CLASP1: variants seen among roughly 807,000 people sequenced by gnomAD.
The protein encoded by CLASP1 is CLIP-associating protein 1.
Under a neutral mutation model 192.3 loss-of-function variants are expected in CLASP1, and 38 were observed. The ratio of observed to expected loss-of-function variants is 0.20; its 90% CI spans 0.15 to 0.26. The LOEUF (loss-of-function observed/expected upper bound fraction) is 0.26, where lower values mean the gene tolerates loss of function less well. CLASP1 is among the 10% of genes least tolerant of loss of function. The probability of loss-of-function intolerance (pLI) is 1.00; values close to 1 mark genes in which losing one functional copy is unlikely to be tolerated. For synonymous variants in CLASP1, 691 were observed against 712.8 expected, an observed-to-expected ratio of 0.97 and a Z score of 0.49; for missense variants, 1,433 against 1,932.5, an observed-to-expected ratio of 0.74 and a Z score of 4.85.
chr2:121,578,134 T>C (rs1242255148), intron 2 of CLASP1, among the ~76,000 whole-genome samples: 1 of 152,030 alleles, frequency 6.6e-6, no homozygotes, highest in Non-Finnish European at 1.5e-5. Flanking sequence ...GGTTTCACCA[T>C]GTTGCTCGGG....
intron 35 of CLASP1, among the ~76,000 whole-genome samples, chr2:121,365,783 C>T (rs541765252): frequency 2.5e-4 from 38 of 152,288 alleles, no homozygotes; most frequent in African/African-American, 8.7e-4. Context: ...ATGTCTACAG[C>T]TTAGGAACCA....
At chr2:121,469,131 T>C (rs1051433867) in intron 9 of CLASP1, among the ~76,000 whole-genome samples, 2 of 152,172 alleles carry the variant, frequency 1.3e-5, no homozygotes, top group Non-Finnish European at 1.5e-5. Context: ...CTTTGAGGTG[T>C]TGAGCTCTGC....
At chr2:121,584,632 T>A (rs1576236864) in intron 2 of CLASP1, among the ~76,000 whole-genome samples, 1 of 151,254 alleles carries the variant, frequency 6.6e-6, no homozygotes, top group Non-Finnish European at 1.5e-5. Context: ...CCACAATTCT[T>A]TTTTTTTTCT....
intron 8 of CLASP1, among the ~76,000 whole-genome samples, chr2:121,485,553 C>T (rs1029776791): frequency 6.6e-6 from 1 of 151,980 alleles, no homozygotes; most frequent in Admixed American, 6.6e-5. Context: ...TGTGTTTTTC[C>T]TTCAAATTTT....
chr2:121,437,580 G>A (rs1263181995), intron 19 of CLASP1, among the ~76,000 whole-genome samples: 3 of 152,162 alleles, frequency 2.0e-5, no homozygotes, highest in African/African-American at 7.2e-5. Flanking sequence ...CGTAAACTCT[G>A]ACCAGAATCC....
At chr2:121,421,385 T>C (rs1218787774) in intron 22 of CLASP1, among the ~76,000 whole-genome samples, 1 of 151,654 alleles carries the variant, frequency 6.6e-6, no homozygotes, top group Non-Finnish European at 1.5e-5. Flanking sequence ...GTAGCTGGGA[T>C]TACAGGTGCA....
intron 23 of CLASP1, among the ~76,000 whole-genome samples, chr2:121,412,989 C>T (rs1162787300): frequency 6.6e-6 from 1 of 152,118 alleles, no homozygotes; most frequent in Non-Finnish European, 1.5e-5. Flanking sequence ...CTGGGCACGG[C>T]GGCTTTGCCT....
intron 14 of CLASP1, among the ~76,000 whole-genome samples, chr2:121,452,201 A>AGAG (rs1229631801): frequency 6.6e-6 from 1 of 152,236 alleles, no homozygotes; most frequent in Non-Finnish European, 1.5e-5. Flanking sequence ...CATGCACAGA[A>AGAG]GATCAACAAA....
chr2:121,559,940 C>T (rs1471254140), intron 2 of CLASP1, among the ~76,000 whole-genome samples: 1 of 151,962 alleles, frequency 6.6e-6, no homozygotes, highest in Non-Finnish European at 1.5e-5. Context: ...GTATCCTGGA[C>T]TGGATCCAAG....
intron 28 of CLASP1, among the ~76,000 whole-genome samples, chr2:121,399,005 C>G (rs1265339313): frequency 6.6e-6 from 1 of 152,182 alleles, no homozygotes; most frequent in Non-Finnish European, 1.5e-5. Context: ...GCTGTAATTA[C>G]TAGTATTAGT....
At chr2:121,351,024 C>G (rs2064272270) in intron 37 of CLASP1, among the ~76,000 whole-genome samples, 1 of 152,154 alleles carries the variant, frequency 6.6e-6, no homozygotes, top group Non-Finnish European at 1.5e-5. Context: ...AAACTGGCAG[C>G]CCAGCCCTGG....
At chr2:121,389,406 T>C (rs2073942905) in intron 30 of CLASP1, among the ~76,000 whole-genome samples, 1 of 152,026 alleles carries the variant, frequency 6.6e-6, no homozygotes, top group Non-Finnish European at 1.5e-5. Flanking sequence ...TTGATATGCA[T>C]ATTTGCATAA....
At chr2:121,363,380 GC>G in intron 36 of CLASP1, 80 bp from the exon 38 acceptor site, 1 of 1,560,764 alleles carries the variant, frequency 6.4e-7, no homozygotes, top group Non-Finnish European at 8.7e-7. Flanking sequence ...GGTCGGCAAG[GC>G]CAAGCACCCA....
At chr2:121,469,809 T>C in exon 9 of CLASP1, 1 of 1,611,224 alleles carries the variant, frequency 6.2e-7, no homozygotes, top group Non-Finnish European at 8.5e-7. Context: ...TAGACTAACC[T>C]GAAGACTTGG....
At chr2:121,525,779 A>C in intron 6 of CLASP1, 66 bp downstream of exon 6, 2 of 1,111,236 alleles carry the variant, frequency 1.8e-6, no homozygotes, top group Non-Finnish European at 2.7e-6. Context: ...CCACTACGGA[A>C]CACCAGAATG....
intron 19 of CLASP1, among the ~76,000 whole-genome samples, chr2:121,436,046 T>C (rs2082248909): frequency 2.0e-5 from 3 of 151,588 alleles, no homozygotes; most frequent in African/African-American, 7.2e-5. Flanking sequence ...TTTTTTTTTT[T>C]CTTGAGACAG....
intron 9 of CLASP1, among the ~76,000 whole-genome samples, chr2:121,466,116 A>G (rs145694709): frequency 1.4e-4 from 21 of 152,312 alleles, no homozygotes; most frequent in African/African-American, 4.3e-4. Context: ...ATAGTTCAAG[A>G]AAAAAGATTA....
chr2:121,410,720 T>C lies in CLASP1; in HGVS notation c.2424+146A>G, dbSNP rs1559082351. On this transcript the variant is annotated intron_variant, in intron 24 of 39. Transcript: ENST00000263710. ...AAGTTTAAGGGGCAAACAATAACAATATAAATTTACCCAACATTAACACAA... is the reference window on the plus strand; with the variant it reads ...AAGTTTAAGGGGCAAACAATAACAACATAAATTTACCCAACATTAACACAA... The C allele has an allele frequency of 5.3e-6, 3 of 567,104 alleles. No individual in the cohort carries two copies. The South Asian group carries it at 7.5e-5, about 14-fold the overall frequency. The allele number at this position is 567,104 out of a possible 1,614,324, so 35.1% of individuals were successfully genotyped here. A position where few individuals can be genotyped will look rare whatever the true frequency, so the allele number is the denominator to read the frequency against.
At chr2:121,603,709 G>A (rs1018357320) in intron 2 of CLASP1, among the ~76,000 whole-genome samples, 1 of 152,150 alleles carries the variant, frequency 6.6e-6, no homozygotes, top group African/African-American at 2.4e-5. Flanking sequence ...AGAAAATGTG[G>A]TATATTCAAT....
Sources: allele counts gnomAD v4.1 joint callset (sites outside exome capture counted in the v4.1 genomes callset), GRCh38; gene constraint gnomAD v4.1.1; transcripts MANE v1.5; gene names NCBI Gene and HGNC (gene_info 2026-07-23, HGNC 2026-07-21).